TRAPPC9: variants seen among roughly 807,000 people sequenced by gnomAD.
The protein encoded by TRAPPC9 is IKK2 binding protein.
In TRAPPC9, 83 loss-of-function variants were observed where a neutral mutation model predicts 124.0. The observed-to-expected ratio is 0.67, with a 90% CI of 0.56 to 0.80. The LOEUF is 0.80. TRAPPC9 is among the 30% of genes least tolerant of loss of function. The pLI is 0.00. For synonymous variants in TRAPPC9, 638 were observed against 617.5 expected, an observed-to-expected ratio of 1.03 and a Z score of -0.49; for missense variants, 1,302 against 1,508.3, an observed-to-expected ratio of 0.86 and a Z score of 2.27.
chr8:140,283,879 T>G lies in TRAPPC9; in HGVS notation c.2114+10A>C, dbSNP rs374990793. ...GAGCCACTCTGCTCTGTGACCCTCG[T>G]GCACACTACCTGGGCAGAGAGGTGC... On this transcript the variant is annotated intron_variant, in intron 14 of 22. Transcript: ENST00000438773. 2.5e-6 allele frequency: 4 copies of G among 1,613,752 alleles called. No individual in the cohort carries two copies. The highest frequency in any genetic ancestry group is 3.4e-6 in the Non-Finnish European group (4 of 1,179,990).
intron 15 of TRAPPC9, among the ~76,000 whole-genome samples, chr8:140,260,989 C>T (rs1327824308): frequency 1.3e-5 from 2 of 152,216 alleles, no homozygotes; most frequent in Admixed American, 6.5e-5. Context: ...GTCAGACACA[C>T]GTGAATCTGG....
At chr8:140,000,109 C>T (rs1838291145) in intron 18 of TRAPPC9, among the ~76,000 whole-genome samples, 1 of 152,130 alleles carries the variant, frequency 6.6e-6, no homozygotes, top group Non-Finnish European at 1.5e-5. Flanking sequence ...TTTGACAAAC[C>T]TGACAAAAAC....
chr8:140,049,007 C>T lies in TRAPPC9; in HGVS notation c.2557-24928G>A, dbSNP rs191313970. Among the ~76,000 whole-genome samples the T allele has an allele frequency of 3.0e-4, 45 of 152,278 alleles. No individual in the cohort carries two copies. In the East Asian group the frequency reaches 8.1e-3, roughly 28 times the overall value. ...ACGAGAAGCTGAGGCGGAAGGAAGG[C>T]GGGCCTGCAGGGGTGGTTACAGACC... On this transcript the variant is annotated intron_variant, in intron 17 of 22. Transcript: ENST00000438773.
At chr8:140,238,553 G>A (rs1261378855) in intron 16 of TRAPPC9, 1 of 152,234 alleles carries the variant, frequency 6.6e-6, no homozygotes, top group East Asian at 1.9e-4. Flanking sequence ...ATAACGCTGG[G>A]CAGGCTGTCC....
intron 2 of TRAPPC9, among the ~76,000 whole-genome samples, chr8:140,445,855 G>A (rs897334818): frequency 3.3e-5 from 5 of 152,216 alleles, no homozygotes; most frequent in Non-Finnish European, 7.3e-5. Context: ...GTCACAGAGC[G>A]AGAACCTTTC....
At chr8:139,983,239 G>C (rs1261277873) in intron 19 of TRAPPC9, among the ~76,000 whole-genome samples, 1 of 152,170 alleles carries the variant, frequency 6.6e-6, no homozygotes, top group African/African-American at 2.4e-5. Flanking sequence ...TCTTGATCTT[G>C]AACCTGCAGC....
chr8:140,350,714 C>T (rs2067542389), intron 9 of TRAPPC9, among the ~76,000 whole-genome samples: 1 of 151,968 alleles, frequency 6.6e-6, no homozygotes. Context: ...GCATGTGGGG[C>T]TCTGGGGTGG....
intron 4 of TRAPPC9, among the ~76,000 whole-genome samples, chr8:140,433,952 G>A: frequency 6.6e-6 from 1 of 152,320 alleles, no homozygotes; most frequent in Non-Finnish European, 1.5e-5. Context: ...ACTGATTGCT[G>A]GTGGAGTCTT....
intron 17 of TRAPPC9, among the ~76,000 whole-genome samples, chr8:140,181,204 C>T (rs1161511486): frequency 6.6e-6 from 1 of 152,150 alleles, no homozygotes; most frequent in African/African-American, 2.4e-5. Flanking sequence ...TCTTCTTTAA[C>T]TCCTCAACTC....
rs558850836 is a variant in TRAPPC9 at position 140,363,596 on chromosome 8, A to G, written c.1352-3403T>C. ...ATGGAAAATGTCTCCTCCTGACACA[A>G]ACGTCTTTTTTTTTTTTTGAAACGG... On this transcript the variant is annotated intron_variant, in intron 8 of 22. Transcript: ENST00000438773. Among the ~76,000 whole-genome samples the G allele has an allele frequency of 3.1e-3, 463 of 151,392 alleles. 2 individuals are homozygous for G. The highest frequency in any genetic ancestry group is 0.011 in the African/African-American group (439 of 41,318).
chr8:140,108,314 C>T lies in TRAPPC9; in HGVS notation c.2557-84235G>A, dbSNP rs745583366. Among the ~76,000 whole-genome samples, 22 of 152,350 alleles carry T rather than the reference C, an allele frequency of 1.4e-4. No individual in the cohort carries two copies. In the South Asian group the frequency reaches 1.5e-3, roughly 10 times the overall value. ...CCACTAGGGGCACAGCCCTTCATCA[C>T]GTATCTTAGATACCTGGCAGCCTCT... On this transcript the variant is annotated intron_variant, in intron 17 of 22. Transcript: ENST00000438773.
rs1012650231 is a variant in TRAPPC9, at chr8:139,957,269, C to T, written c.2810+31457G>A. Among the ~76,000 whole-genome samples, 10 of 152,346 alleles carry T rather than the reference C, an allele frequency of 6.6e-5. No individual in the cohort carries two copies. The South Asian group carries it at 1.7e-3, about 25-fold the overall frequency. The stretch of plus-strand genomic sequence containing the variant: ...CAGGGAGGGCCGCGTACCTGCCCTG[C>T]AGCCTTGGGGGACTCGGGCGACTGA... On this transcript the variant is annotated intron_variant, in intron 19 of 22. Transcript: ENST00000438773.
At chr8:139,785,468 C>T (rs567105677) in intron 21 of TRAPPC9, among the ~76,000 whole-genome samples, 8 of 151,554 alleles carry the variant, frequency 5.3e-5, no homozygotes, top group South Asian at 2.1e-4. Context: ...GTGGCTGAAG[C>T]GAGTGGATCG....
intron 21 of TRAPPC9, among the ~76,000 whole-genome samples, chr8:139,833,384 T>A (rs1033507613): frequency 3.9e-5 from 6 of 152,186 alleles, no homozygotes; most frequent in Admixed American, 2.6e-4. Context: ...GCCAGCAGTG[T>A]TCCCAGGCAG....
At chr8:139,869,432 G>T (rs1184730538) in intron 21 of TRAPPC9, among the ~76,000 whole-genome samples, 2 of 152,158 alleles carry the variant, frequency 1.3e-5, no homozygotes, top group African/African-American at 4.8e-5. Context: ...CACACTGCAG[G>T]TATCATGGGA....
intron 21 of TRAPPC9, among the ~76,000 whole-genome samples, chr8:139,804,774 C>T (rs1272237442): frequency 6.6e-6 from 1 of 151,582 alleles, no homozygotes; most frequent in Non-Finnish European, 1.5e-5. Flanking sequence ...CCCACCACCA[C>T]CACCAAGCAC....
intron 17 of TRAPPC9, among the ~76,000 whole-genome samples, chr8:140,027,875 T>G (rs1160365459): frequency 1.3e-5 from 2 of 152,008 alleles, no homozygotes; most frequent in Non-Finnish European, 2.9e-5. Flanking sequence ...TCAGATCTCA[T>G]GAGAACTCAC....
chr8:140,431,414 C>G (rs1056535290), intron 4 of TRAPPC9, among the ~76,000 whole-genome samples: 2 of 151,836 alleles, frequency 1.3e-5, no homozygotes, highest in African/African-American at 2.4e-5. Context: ...CTACTGCACT[C>G]CGGCCTCGGC....
At chr8:140,434,799 C>T (rs1009949454) in intron 4 of TRAPPC9, among the ~76,000 whole-genome samples, 2 of 151,944 alleles carry the variant, frequency 1.3e-5, no homozygotes, top group Non-Finnish European at 2.9e-5. Flanking sequence ...TGAAACCCCG[C>T]CTCTATTAAA....
Sources: allele counts gnomAD v4.1 joint callset (sites outside exome capture counted in the v4.1 genomes callset), GRCh38; gene constraint gnomAD v4.1.1; transcripts MANE v1.5; gene names NCBI Gene and HGNC (gene_info 2026-07-23, HGNC 2026-07-21).